The following CYLC2 variants were observed in gnomAD, a reference collection of about 807,000 sequenced individuals.
The protein encoded by CYLC2 is cylicin 2, also known as cylicin-2.
Under a neutral mutation model 26.1 loss-of-function variants are expected in CYLC2, and 30 were observed. That is an observed-to-expected ratio of 1.15 (90% CI 0.86 to 1.56). The LOEUF (loss-of-function observed/expected upper bound fraction) is 1.56. Ranked by LOEUF, CYLC2 falls within the 40% of genes most tolerant of loss-of-function variation. CYLC2 has a pLI of 0.00. For missense variants in CYLC2, 498 were observed against 394.4 expected, an observed-to-expected ratio of 1.26 and a Z score of -2.23; for synonymous variants, 158 against 132.8, an observed-to-expected ratio of 1.19 and a Z score of -1.31.
Position 103,005,263 on chromosome 9 carries a change from G to C in CYLC2, c.632G>C (p.Gly211Ala), listed in dbSNP as rs113686542. The change falls in exon 5 of 8, where the codon GGA becomes GCA. Residue 211 changes from glycine to alanine, a missense_variant. Physicochemically the swap from Gly to Ala is moderately conservative, Grantham distance 60. Transcript: ENST00000374798. Reference sequence around the variant, plus strand: ...GCAACAGAATCTGAAGGTGAAAAAGGAGGTACAGAGAAAGATAGCAAAAAA... The same window carrying C: ...GCAACAGAATCTGAAGGTGAAAAAGCAGGTACAGAGAAAGATAGCAAAAAA... Reference protein sequence around the residue: ...DSATESEGEKGGTEKDSKKGK... With the variant: ...DSATESEGEKAGTEKDSKKGK... The C allele has an allele frequency of 8.7e-4, 1,411 of 1,613,520 alleles. 10 individuals are homozygous for C. In the African/African-American group the frequency reaches 0.016, roughly 18 times the overall value.
rs201304746 is a variant in CYLC2, at chr9:103,006,017, G to GACACACACACACAC, written c.*381_*394dup. On this transcript the variant is annotated 3_prime_UTR_variant, in exon 5 of 8. Transcript: ENST00000374798. ...TGAAGATAATGACACTAAATCTATG[G>GACACACACACACAC]ACACACACACACACACACACACACA... The GACACACACACACAC allele has an allele frequency of 0.013, 1,501 of 120,012 alleles. 51 individuals carry two copies. Among genetic ancestry groups the GACACACACACACAC allele is most frequent in the Non-Finnish European group, 0.018 (1,097 of 59,988 alleles). 7.4% of individuals were successfully genotyped at this position (120,012 alleles called of 1,614,324 possible).
chr9:103,005,111 T>G lies in CYLC2; in HGVS notation c.480T>G (p.Asp160Glu). The G allele has an allele frequency of 1.2e-6, 2 of 1,605,900 alleles. No individual in the cohort carries two copies. The highest frequency in any genetic ancestry group is 1.7e-6 in the Non-Finnish European group (2 of 1,177,006). ...AAGAAAAGCTAGATGCAAAGAAAGA[T>G]AGCAAAAAAGGTAAAAAGGATGCAG... ...GKEEKLDAKK[D>E]SKKGKKDAEK... Residue 160 changes from aspartate (D) to glutamate (E), a missense_variant, in exon 5 of 8, where the codon GAT becomes GAG. By Grantham distance (45) the Asp-to-Glu change is conservative. Transcript: ENST00000374798.
chr9:103,005,075 G>T lies in CYLC2; in HGVS notation c.444G>T (p.Glu148Asp), dbSNP rs147375715. The T allele has an allele frequency of 1.9e-6, 3 of 1,605,926 alleles. No homozygotes were observed. The highest frequency in any genetic ancestry group is 1.7e-5 in the Admixed American group (1 of 57,800). The change falls in exon 5 of 8, where the codon GAG becomes GAT. Residue 148 changes from glutamate to aspartate, a missense_variant. By Grantham distance (45) the Glu-to-Asp change is conservative. Transcript: ENST00000374798. The stretch of plus-strand genomic sequence containing the variant: ...ATTCAAAGAAAGGCAAGGATATAGA[G>T]AAAGGAAAAGAAGAAAAGCTAGATG... ...KKDSKKGKDI[E>D]KGKEEKLDAK...
chr9:103,010,862 G>A (rs1829399873), intron 5 of CYLC2: 1 of 151,916 alleles, frequency 6.6e-6, no homozygotes, highest in Non-Finnish European at 1.5e-5. Flanking sequence ...GGAATGTGCT[G>A]TATTGAACAA....
intron 6 of CYLC2, among the ~76,000 whole-genome samples, chr9:103,013,531 A>G (rs1482969229): frequency 8.9e-6 from 1 of 112,750 alleles, no homozygotes; most frequent in East Asian, 2.8e-4. Context: ...TATATTAAGT[A>G]TATATTAAAT....
intron 7 of CYLC2, among the ~76,000 whole-genome samples, chr9:103,017,401 A>G (rs1829518483): frequency 1.3e-5 from 2 of 152,038 alleles, no homozygotes; most frequent in Non-Finnish European, 2.9e-5. Flanking sequence ...GGACTTATTT[A>G]TTTCATAAAG....
chr9:103,005,396 T>A lies in CYLC2; in HGVS notation c.765T>A (p.Asp255Glu), dbSNP rs1228530528. Reference sequence around the variant, plus strand: ...GAAAAAAAGATGCAAACAAAGGTGATGAATCGAAGGATGCCAAGAAAGATG... The same window carrying A: ...GAAAAAAAGATGCAAACAAAGGTGAAGAATCGAAGGATGCCAAGAAAGATG... The part of the protein sequence containing the change: ...EDGKKDANKG[D>E]ESKDAKKDAK... The change falls in exon 5 of 8, where the codon GAT (aspartate) becomes GAA (glutamate). Residue 255 changes from aspartate (D) to glutamate (E), a missense_variant. By Grantham distance (45) the Asp-to-Glu change is conservative. Coordinates refer to ENST00000374798, the MANE Select transcript of CYLC2 (RefSeq NM_001340.5). The A allele has an allele frequency of 6.2e-7, 1 of 1,613,824 alleles. No individual in the cohort carries two copies. The highest frequency in any genetic ancestry group is 8.5e-7 in the Non-Finnish European group (1 of 1,179,952).
intron 6 of CYLC2, among the ~76,000 whole-genome samples, chr9:103,013,825 T>C (rs1203020897): frequency 8.9e-6 from 1 of 112,908 alleles, no homozygotes; most frequent in Non-Finnish European, 1.6e-5. Flanking sequence ...ATATAATATG[T>C]ATATAATATA....
At chr9:103,014,453 A>G (rs1267710061) in intron 6 of CYLC2, among the ~76,000 whole-genome samples, 1 of 129,024 alleles carries the variant, frequency 7.8e-6, no homozygotes, top group Admixed American at 8.4e-5. Context: ...AATATACATA[A>G]TGTATATTAC....
chr9:103,011,951 T>C (rs1829411282), intron 5 of CYLC2, 31 bp from the exon 6 acceptor site: 1 of 121,236 alleles, frequency 8.2e-6, no homozygotes, highest in Non-Finnish European at 1.7e-5. Flanking sequence ...CATTCTCTTT[T>C]TTTTTTTTTT....
chr9:103,004,805 G>T lies in CYLC2; in HGVS notation c.291G>T (p.Gln97His), dbSNP rs1436809957. The T allele has an allele frequency of 3.7e-6, 6 of 1,612,808 alleles. No homozygotes were observed. The highest frequency in any genetic ancestry group is 5.1e-6 in the Non-Finnish European group (6 of 1,179,620). ...RPSVYLAARRQPLKPTRTVEV... is the reference protein window; with the variant it reads ...RPSVYLAARRHPLKPTRTVEV... Reference sequence around the variant, plus strand: ...CTGTTTATTTAGCTGCCAGGAGGCAGCCTCTCAAACCAACTCGTACTGTCG... The same window carrying T: ...CTGTTTATTTAGCTGCCAGGAGGCATCCTCTCAAACCAACTCGTACTGTCG... The change falls in exon 4 of 8, where the codon CAG (glutamine) becomes CAT (histidine). Residue 97 changes from glutamine (Q) to histidine (H), a missense_variant. Gln to His is a conservative substitution (Grantham distance 24). Transcript: ENST00000374798.
In CYLC2 at chr9:103,005,680, C is replaced by T. The variant is rs1382008034; in HGVS notation, c.*2C>T. On this transcript the variant is annotated 3_prime_UTR_variant, in exon 5 of 8. Coordinates refer to ENST00000374798, the MANE Select transcript of CYLC2 (RefSeq NM_001340.5). Reference sequence around the variant, plus strand: ...GATGCAAAGAAGAAGGGCAAGTAGGCCTTGGATAAGAATTTGAACCGAAAG... The same window carrying T: ...GATGCAAAGAAGAAGGGCAAGTAGGTCTTGGATAAGAATTTGAACCGAAAG... The T allele has an allele frequency of 1.9e-6, 3 of 1,597,180 alleles. No individual in the cohort carries two copies. The highest frequency in any genetic ancestry group is 1.4e-5 in the African/African-American group (1 of 73,654).
In CYLC2 at chr9:103,005,506, C is replaced by T. The variant is rs1829335896; in HGVS notation, c.875C>T (p.Ser292Phe). The T allele has an allele frequency of 2.5e-6, 4 of 1,613,142 alleles. No homozygotes were observed. In the East Asian group the frequency reaches 8.9e-5, roughly 36 times the overall value. ...SDSKDDVKKESKKDATKDAKK... is the reference protein window; with the variant it reads ...SDSKDDVKKEFKKDATKDAKK... ...TCAAAGGATGATGTCAAGAAAGAGT[C>T]TAAGAAGGACGCCACGAAAGATGCC... Residue 292 changes from serine to phenylalanine, a missense_variant, in exon 5 of 8, where the codon TCT becomes TTT. Ser to Phe is a radical substitution (Grantham distance 155). Coordinates refer to ENST00000374798, the MANE Select transcript of CYLC2 (RefSeq NM_001340.5).
chr9:102,995,368 A>G lies in CYLC2; in HGVS notation c.-13A>G, dbSNP rs1167962960. On this transcript the variant is annotated 5_prime_UTR_variant, in exon 1 of 8. Coordinates refer to ENST00000374798, the MANE Select transcript of CYLC2 (RefSeq NM_001340.5). ...TACAATACTTAAGTCCTGGCAAGTCATAAGTGGGGAAAATGTCTCTCCCAA... is the reference window on the plus strand; with the variant it reads ...TACAATACTTAAGTCCTGGCAAGTCGTAAGTGGGGAAAATGTCTCTCCCAA... The G allele has an allele frequency of 8.1e-6, 13 of 1,602,560 alleles. No homozygotes were observed. Among genetic ancestry groups the G allele is most frequent in the African/African-American group, 1.3e-5 (1 of 74,624 alleles).
At chr9:103,009,630 A>G (rs1278625712) in intron 5 of CYLC2, among the ~76,000 whole-genome samples, 3 of 152,176 alleles carry the variant, frequency 2.0e-5, no homozygotes, top group Admixed American at 1.3e-4. Context: ...GACTATAGTC[A>G]TTCCAATGTG....
Position 103,011,994 on chromosome 9 carries a change from G to A in CYLC2, c.*713G>A, listed in dbSNP as rs1829411976. ...TTTTTTGATCGAGTCTCGCTCTGTT[G>A]CCCTGGCTGGAGTTCAGTGACATGA... On this transcript the variant is annotated 3_prime_UTR_variant, in exon 6 of 8. Transcript: ENST00000374798. 9.3e-6 allele frequency: 1 copy of A among 107,118 alleles called. No homozygotes were observed. Among genetic ancestry groups the A allele is most frequent in the African/African-American group, 3.7e-5 (1 of 26,908 alleles). 6.6% of individuals were successfully genotyped at this position (107,118 alleles called of 1,614,324 possible).
chr9:103,009,725 T>C (rs529423016), intron 5 of CYLC2, among the ~76,000 whole-genome samples: 1 of 152,162 alleles, frequency 6.6e-6, no homozygotes. Flanking sequence ...CCACTACCTT[T>C]TCCAGACTCT....
Position 103,005,731 on chromosome 9 carries a change from A to C in CYLC2, c.*53A>C, listed in dbSNP as rs1469741308. 1 of 1,538,716 alleles carries C rather than the reference A, an allele frequency of 6.5e-7. No homozygotes were observed. The highest frequency in any genetic ancestry group is 8.7e-7 in the Non-Finnish European group (1 of 1,143,446). ...AATAATTCAAAAGCATATTTGATGA[A>C]ACAATAGTGGTAGTCTGCAGCTGAA... On this transcript the variant is annotated 3_prime_UTR_variant, in exon 5 of 8. Coordinates refer to ENST00000374798, the MANE Select transcript of CYLC2 (RefSeq NM_001340.5).
intron 6 of CYLC2, among the ~76,000 whole-genome samples, chr9:103,013,869 T>C (rs1587855697): frequency 8.8e-6 from 1 of 113,712 alleles, no homozygotes; most frequent in African/African-American, 3.6e-5. Flanking sequence ...ATATATTATA[T>C]ATTATACATA....
Sources: gnomAD v4.1 joint callset for allele counts (sites outside exome capture counted in the v4.1 genomes callset) on GRCh38, gnomAD v4.1.1 for gene constraint, MANE v1.5 for transcripts, NCBI Gene and HGNC (gene_info 2026-07-23, HGNC 2026-07-21) for gene names.